CLGN: variants seen among roughly 807,000 people sequenced by gnomAD.
CLGN encodes the protein calmegin.
A neutral mutation model predicts 79.1 loss-of-function variants in CLGN; 62 were observed. That is an observed-to-expected ratio of 0.78 (90% CI 0.64 to 0.97). The LOEUF is 0.97. Ranked by LOEUF, CLGN falls within the 50% of genes least tolerant of loss-of-function variation. The pLI, the probability that CLGN is intolerant of heterozygous loss-of-function variation, is 0.00. For missense variants in CLGN, 647 were observed against 715.5 expected (o/e 0.90, Z 1.09); for synonymous variants, 225 against 224.7 (o/e 1.00, Z -0.01).
Position 140,410,633 on chromosome 4 carries a change from A to G in CLGN, c.145-7T>C. The G allele has an allele frequency of 6.6e-7, 1 of 1,511,846 alleles. No homozygotes were observed. The highest frequency in any genetic ancestry group is 9.1e-7 in the Non-Finnish European group (1 of 1,094,310). 93.7% of individuals were successfully genotyped at this position (1,511,846 alleles called of 1,614,324 possible). On this transcript the variant is annotated splice_region_variant and splice_polypyrimidine_tract_variant and intron_variant, in intron 2 of 14. Coordinates refer to ENST00000325617, the MANE Select transcript of CLGN (RefSeq NM_004362.3). ...GAGGTGTCTTATATTTAATCTAGAA[A>G]AGAGATTTTCCAAGTCTAAAGTTAT...
rs772938327 is a variant in CLGN at position 140,400,491 on chromosome 4, T to G, written c.560A>C (p.Glu187Ala). 1 of 1,606,360 alleles carries G rather than the reference T, an allele frequency of 6.2e-7. No individual in the cohort carries two copies. The highest frequency in any genetic ancestry group is 2.2e-5 in the East Asian group (1 of 44,746). The change falls in exon 7 of 15, where the codon GAA becomes GCA. Residue 187 changes from glutamate (E) to alanine (A), a missense_variant. Physicochemically the swap from Glu to Ala is moderately radical, Grantham distance 107. Transcript: ENST00000325617. ...GAAGATAAAATGAAGTTTATAATCTTCTCCACATTTATCTGGTCCAAACAT... is the reference window on the plus strand; with the variant it reads ...GAAGATAAAATGAAGTTTATAATCTGCTCCACATTTATCTGGTCCAAACAT... ...IIMFGPDKCG[E>A]DYKLHFIFRH...
intron 5 of CLGN, among the ~76,000 whole-genome samples, chr4:140,404,252 C>A (rs996210282): frequency 1.8e-4 from 27 of 151,870 alleles, no homozygotes; most frequent in Non-Finnish European, 3.5e-4. Context: ...TGCCACCACA[C>A]CCGGCTAATT....
chr4:140,406,184 A>T, intron 4 of CLGN, 101 bp from the exon 5 acceptor site: 1 of 1,159,122 alleles, frequency 8.6e-7, no homozygotes, highest in Non-Finnish European at 1.2e-6. Flanking sequence ...AGGAAGCCTG[A>T]CTTGGGAAAA....
chr4:140,394,132 A>G (rs190724420), intron 10 of CLGN, 91 bp from the exon 11 acceptor site: 7 of 837,756 alleles, frequency 8.4e-6, no homozygotes, highest in Middle Eastern at 2.7e-4. Flanking sequence ...TGAAATTCGC[A>G]ATGCTAACTG....
intron 1 of CLGN, among the ~76,000 whole-genome samples, chr4:140,416,450 G>A (rs540911892): frequency 1.1e-4 from 16 of 151,116 alleles, no homozygotes; most frequent in South Asian, 4.2e-4. Flanking sequence ...TTGATAGACT[G>A]CTAGCAAGAC....
intron 4 of CLGN, among the ~76,000 whole-genome samples, chr4:140,406,373 AAG>A (rs1218935373): frequency 2.6e-5 from 4 of 152,202 alleles, no homozygotes; most frequent in Non-Finnish European, 4.4e-5. Context: ...TTTTCTATGA[AAG>A]AGTTTTTAAT....
At position 140,410,602 on chromosome 4, in the gene CLGN, T is replaced by C; in HGVS notation, c.169A>G (p.Ile57Val). ...GTTTCTGCAAAATATACTTCTCCTA[T>C]AGGTTGAGGTGTCTTATATTTAATC... Reference protein sequence around the residue: ...SEIKYKTPQPIGEVYFAETFD... With the variant: ...SEIKYKTPQPVGEVYFAETFD... Residue 57 changes from isoleucine to valine, a missense_variant, in exon 3 of 15, where the codon ATA becomes GTA. Ile to Val is a conservative substitution (Grantham distance 29). Coordinates refer to ENST00000325617, the MANE Select transcript of CLGN (RefSeq NM_004362.3). 1 of 1,597,836 alleles carries C rather than the reference T, an allele frequency of 6.3e-7. No homozygotes were observed. Among genetic ancestry groups the C allele is most frequent in the South Asian group, 1.1e-5 (1 of 90,582 alleles).
At chr4:140,404,255 G>A (rs358300) in intron 5 of CLGN, among the ~76,000 whole-genome samples, 9,562 of 151,572 alleles carry the variant, frequency 0.063, 365 homozygotes, top group African/African-American at 0.11. Flanking sequence ...CACCACACCC[G>A]GCTAATTTTT....
At chr4:140,412,869 A>T (rs1376380626) in intron 2 of CLGN, 66 bp downstream of exon 2, 1 of 1,314,930 alleles carries the variant, frequency 7.6e-7, no homozygotes, top group African/African-American at 1.5e-5. Context: ...ATGAATCACC[A>T]GAGGTCAATC....
At chr4:140,425,622 CTTTTTTTTTTT>C (rs60198755) in intron 1 of CLGN, among the ~76,000 whole-genome samples, 8 of 97,192 alleles carry the variant, frequency 8.2e-5, no homozygotes, top group African/African-American at 2.9e-4. Context: ...TTTGTAATTC[CTTTTTTTTTTT>C]TTTTTTTTTT....
chr4:140,421,339 A>T (rs768003768), intron 1 of CLGN, among the ~76,000 whole-genome samples: 1 of 152,110 alleles, frequency 6.6e-6, no homozygotes, highest in Admixed American at 6.6e-5. Flanking sequence ...TTGCTTGGTC[A>T]TATGATAATT....
chr4:140,399,017 C>T lies in CLGN; in HGVS notation c.718G>A (p.Glu240Lys). 2 of 1,612,646 alleles carry T rather than the reference C, an allele frequency of 1.2e-6. No homozygotes were observed. The highest frequency in any genetic ancestry group is 8.5e-7 in the Non-Finnish European group (1 of 1,179,534). ...ACAACTGTTTGATCAACTAACACCT[C>T]AAATGTGTCATCTGGATTCATCACT... ...TLVMNPDDTF[E>K]VLVDQTVVNK... Residue 240 changes from glutamate (E) to lysine (K), a missense_variant, in exon 8 of 15, where the codon GAG becomes AAG. Physicochemically the swap from Glu to Lys is moderately conservative, Grantham distance 56. Transcript: ENST00000325617.
chr4:140,412,238 G>GT (rs1729227320), intron 2 of CLGN, among the ~76,000 whole-genome samples: 1 of 152,140 alleles, frequency 6.6e-6, no homozygotes, highest in Non-Finnish European at 1.5e-5. Context: ...AAAGAAATCT[G>GT]TAACAACTAC....
At chr4:140,390,378 C>T (rs572163059) in intron 14 of CLGN, among the ~76,000 whole-genome samples, 30 of 151,782 alleles carry the variant, frequency 2.0e-4, no homozygotes, top group African/African-American at 7.2e-4. Context: ...ATTTTGGATA[C>T]ATGTATTCTA....
At chr4:140,399,720 G>A (rs976797311) in intron 7 of CLGN, among the ~76,000 whole-genome samples, 1 of 152,128 alleles carries the variant, frequency 6.6e-6, no homozygotes, top group African/African-American at 2.4e-5. Flanking sequence ...ATAGTGGGCT[G>A]ACCAGAGCTC....
At chr4:140,419,497 G>T (rs964105788) in intron 1 of CLGN, among the ~76,000 whole-genome samples, 1 of 151,792 alleles carries the variant, frequency 6.6e-6, no homozygotes, top group African/African-American at 2.4e-5. Context: ...ACATAAAAAT[G>T]GAAATTTTAT....
At chr4:140,391,221 C>T (rs1400073335) in intron 13 of CLGN, among the ~76,000 whole-genome samples, 1 of 151,622 alleles carries the variant, frequency 6.6e-6, no homozygotes, top group Non-Finnish European at 1.5e-5. Flanking sequence ...AAACTCCTAC[C>T]CTACCAAGAA....
At chr4:140,396,449 A>G (rs1270597505) in intron 8 of CLGN, among the ~76,000 whole-genome samples, 1 of 152,092 alleles carries the variant, frequency 6.6e-6, no homozygotes, top group Non-Finnish European at 1.5e-5. Context: ...ATAGCATTCT[A>G]TACATAATGT....
rs184096347 is a variant in CLGN at position 140,398,431 on chromosome 4, G to A, written c.884+420C>T. ...ATTACAGGCACCCGCCGCCATGCCC[G>A]CTAATTTTTGTGTTTTTAGTAGAGA... On this transcript the variant is annotated intron_variant, in intron 8 of 14. Transcript: ENST00000325617. Among the ~76,000 whole-genome samples the A allele has an allele frequency of 3.9e-3, 589 of 151,846 alleles. 7 individuals are homozygous for A. The highest frequency in any genetic ancestry group is 0.013 in the African/African-American group (558 of 41,466).
Sources: allele counts gnomAD v4.1 joint callset (sites outside exome capture counted in the v4.1 genomes callset), GRCh38; gene constraint gnomAD v4.1.1; transcripts MANE v1.5; gene names NCBI Gene and HGNC (gene_info 2026-07-23, HGNC 2026-07-21).